SLC5A5: variants seen among roughly 807,000 people sequenced by gnomAD.
SLC5A5 encodes the protein solute carrier family 5 member 5.
In SLC5A5, 56 loss-of-function variants were observed where a neutral mutation model predicts 68.6. That is an observed-to-expected ratio of 0.82 (90% CI 0.66 to 1.02). The LOEUF (loss-of-function observed/expected upper bound fraction) is 1.02. SLC5A5 is among the 50% of genes least tolerant of loss of function. SLC5A5 has a pLI of 0.00. For missense variants in SLC5A5, 807 were observed against 859.8 expected, an observed-to-expected ratio of 0.94 and a Z score of 0.77; for synonymous variants, 398 against 373.0, an observed-to-expected ratio of 1.07 and a Z score of -0.77.
chr19:17,886,914 A>G (rs1487678406), intron 12 of SLC5A5, among the ~76,000 whole-genome samples: 1 of 152,126 alleles, frequency 6.6e-6, no homozygotes, highest in Non-Finnish European at 1.5e-5. Flanking sequence ...TATAAAAATA[A>G]AAATGAAAAA....
chr19:17,878,932 G>A lies in SLC5A5; in HGVS notation c.969+839G>A, dbSNP rs369702530. Reference sequence around the variant, plus strand: ...GGAGGTTGCAGTGAGCAGAGATCGCGCCATTGCACTCCAGCCTGGGTGACA... The same window carrying A: ...GGAGGTTGCAGTGAGCAGAGATCGCACCATTGCACTCCAGCCTGGGTGACA... On this transcript the variant is annotated intron_variant, in intron 7 of 14. Transcript: ENST00000222248. Among the ~76,000 whole-genome samples, 117 of 129,824 alleles carry A rather than the reference G, an allele frequency of 9.0e-4. 2 individuals carry two copies. The East Asian group carries it at 0.016, about 18-fold the overall frequency. 85.2% of individuals were successfully genotyped at this position (129,824 alleles called of 152,430 possible).
In SLC5A5 at chr19:17,872,316, C is replaced by T; in HGVS notation, c.-4C>T. ...GGACGCGCTGGGCCTCCGCACCCGCCCTCATGGAGGCCGTGGAGACCGGGG... is the reference window on the plus strand; with the variant it reads ...GGACGCGCTGGGCCTCCGCACCCGCTCTCATGGAGGCCGTGGAGACCGGGG... On this transcript the variant is annotated 5_prime_UTR_variant, in exon 1 of 15. Transcript: ENST00000222248. 1 of 1,575,402 alleles carries T rather than the reference C, an allele frequency of 6.3e-7. No individual in the cohort carries two copies. Among genetic ancestry groups the T allele is most frequent in the Non-Finnish European group, 8.6e-7 (1 of 1,161,942 alleles).
chr19:17,879,336 AAAC>A (rs2147737559), intron 7 of SLC5A5, among the ~76,000 whole-genome samples: 1 of 152,124 alleles, frequency 6.6e-6, no homozygotes, highest in South Asian at 2.1e-4. Context: ...ACAAAAACAA[AAAC>A]AAAAACTGTA....
At chr19:17,888,238 G>A in intron 12 of SLC5A5, 93 bp from the exon 13 acceptor site, 1 of 1,487,814 alleles carries the variant, frequency 6.7e-7, no homozygotes, top group Non-Finnish European at 9.3e-7. Flanking sequence ...CATGGCAGTT[G>A]GGGGAAGGAA....
rs1568417832 is a variant in SLC5A5, at chr19:17,872,487, C to T, written c.168C>T (p.Ala56=). 21 of 1,612,084 alleles carry T rather than the reference C, an allele frequency of 1.3e-5. No homozygotes were observed. The highest frequency in any genetic ancestry group is 1.7e-5 in the Non-Finnish European group (20 of 1,179,602). ...DFFTGGRRLA[A]LPVGLSLSAS... ...TCACCGGGGGCCGGCGCCTGGCGGC[C>T]CTGCCCGTGGGCCTGTCGCTGTCTG... The change falls in exon 1 of 15, where the codon GCC becomes GCT. Residue 56 remains alanine, a synonymous_variant. Transcript: ENST00000222248.
At chr19:17,889,444 A>AGGAAGGAAGGAAGGAAGGAAGGAG (rs1342999228) in intron 13 of SLC5A5, among the ~76,000 whole-genome samples, 1 of 149,072 alleles carries the variant, frequency 6.7e-6, no homozygotes, top group Admixed American at 6.7e-5. Flanking sequence ...GAAGGAAGGA[A>AGGAAGGAAGGAAGGAAGGAAGGAG]AGAGAAAGAG....
rs896508521 is a variant in SLC5A5 at position 17,888,254 on chromosome 19, G to C, written c.1527-77G>C. ...ATGGCAGTTGGGGGAAGGAAGCAGG[G>C]GGTGAGGTTGGAACAGCTTTTGAGT... On this transcript the variant is annotated intron_variant, in intron 12 of 14. Coordinates refer to ENST00000222248, the MANE Select transcript of SLC5A5 (RefSeq NM_000453.3). The C allele has an allele frequency of 4.5e-6, 7 of 1,568,794 alleles. No homozygotes were observed. The African/African-American group carries it at 8.1e-5, about 18-fold the overall frequency.
In SLC5A5 at chr19:17,880,917, G is replaced by A. The variant is rs1478002977; in HGVS notation, c.1022G>A (p.Gly341Glu). 1.2e-6 allele frequency: 2 copies of A among 1,614,004 alleles called. No individual in the cohort carries two copies. Among genetic ancestry groups the A allele is most frequent in the Non-Finnish European group, 8.5e-7 (1 of 1,179,994 alleles). The change falls in exon 8 of 15, where the codon GGG (glycine) becomes GAG (glutamate). Residue 341 changes from glycine to glutamate, a missense_variant. Gly to Glu is a moderately conservative substitution (Grantham distance 98, BLOSUM62 -2). Transcript: ENST00000222248. ...TTCGAAGATCTGCCTGGAGTCCCCG[G>A]GCTTTTCCTGGCCTGTGCTTACAGT... Reference protein sequence around the residue: ...DIFEDLPGVPGLFLACAYSGT... With the variant: ...DIFEDLPGVPELFLACAYSGT...
chr19:17,891,525 A>T (rs1029568207), intron 14 of SLC5A5, among the ~76,000 whole-genome samples: 3 of 151,940 alleles, frequency 2.0e-5, no homozygotes, highest in Non-Finnish European at 2.9e-5. Context: ...AGTTTTTGTT[A>T]TCTCCCTTCA....
chr19:17,891,830 A>T (rs934882565), intron 14 of SLC5A5, among the ~76,000 whole-genome samples: 1 of 152,150 alleles, frequency 6.6e-6, no homozygotes, highest in Admixed American at 6.6e-5. Context: ...CCTGTTTTGG[A>T]ATCCCTGTTC....
In SLC5A5 at chr19:17,881,415, C is replaced by T. The variant is rs138736702; in HGVS notation, c.1058+462C>T. Reference sequence around the variant, plus strand: ...CCAAGTAGCTGGGATTACAGGTCCACGCCACCACAGCCGGCTAATTTTTGT... The same window carrying T: ...CCAAGTAGCTGGGATTACAGGTCCATGCCACCACAGCCGGCTAATTTTTGT... On this transcript the variant is annotated intron_variant, in intron 8 of 14. Transcript: ENST00000222248. Among the ~76,000 whole-genome samples the T allele has an allele frequency of 6.4e-3, 976 of 152,180 alleles. 8 individuals carry two copies. The highest frequency in any genetic ancestry group is 0.022 in the African/African-American group (928 of 41,508).
intron 1 of SLC5A5, among the ~76,000 whole-genome samples, chr19:17,873,764 C>T (rs776604171): frequency 6.6e-6 from 1 of 152,178 alleles, no homozygotes; most frequent in Non-Finnish European, 1.5e-5. Context: ...CCCCCTCCCC[C>T]CCAAAAAAAT....
chr19:17,884,925 C>A (rs1437732493), intron 12 of SLC5A5, among the ~76,000 whole-genome samples: 2 of 151,286 alleles, frequency 1.3e-5, no homozygotes, highest in Non-Finnish European at 2.9e-5. Context: ...AACTCCTGAC[C>A]TCAGGTGATC....
At chr19:17,891,695 G>GA (rs1364629995) in intron 14 of SLC5A5, among the ~76,000 whole-genome samples, 1 of 152,158 alleles carries the variant, frequency 6.6e-6, no homozygotes, top group Admixed American at 6.6e-5. Flanking sequence ...TCAACTTGGG[G>GA]AAAAAATCTT....
chr19:17,883,532 G>T, intron 10 of SLC5A5, 149 bp from the exon 11 acceptor site: 1 of 732,624 alleles, frequency 1.4e-6, no homozygotes, highest in Non-Finnish European at 2.5e-6. Flanking sequence ...AGGGGGGGGG[G>T]TCCTCTCCCC....
intron 4 of SLC5A5, among the ~76,000 whole-genome samples, chr19:17,875,125 T>G (rs1237259806): frequency 6.6e-6 from 1 of 152,048 alleles, no homozygotes; most frequent in African/African-American, 2.4e-5. Flanking sequence ...ATCCCAGCAC[T>G]TTGGGAAGCA....
At position 17,872,672 on chromosome 19, in the gene SLC5A5, A is replaced by T; in HGVS notation, c.353A>T (p.Tyr118Phe). Residue 118 changes from tyrosine (Y) to phenylalanine (F), a missense_variant, in exon 1 of 15, where the codon TAC becomes TTC. Coordinates refer to ENST00000222248, the MANE Select transcript of SLC5A5 (RefSeq NM_000453.3). ...TACCGCCTGGGCCTCACCAGCACCT[A>T]CGAGGTACCGGACAGAGGCCCGGGG... The part of the protein sequence containing the change: ...VFYRLGLTST[Y>F]EYLEMRFSRA... The T allele has an allele frequency of 6.3e-7, 1 of 1,582,076 alleles. No individual in the cohort carries two copies. Among genetic ancestry groups the T allele is most frequent in the Non-Finnish European group, 8.6e-7 (1 of 1,156,488 alleles).
chr19:17,892,974 C>T (rs1196898083), intron 14 of SLC5A5, among the ~76,000 whole-genome samples: 1 of 150,392 alleles, frequency 6.6e-6, no homozygotes, highest in African/African-American at 2.4e-5. Context: ...TTCTTTCTTT[C>T]CTCTTTTCTT....
chr19:17,880,084 A>AG (rs1459469879), intron 7 of SLC5A5, among the ~76,000 whole-genome samples: 1 of 151,592 alleles, frequency 6.6e-6, no homozygotes, highest in Non-Finnish European at 1.5e-5. Context: ...TATTTTTTGT[A>AG]GGGGTGGGGT....
Sources: allele counts gnomAD v4.1 joint callset (sites outside exome capture counted in the v4.1 genomes callset), GRCh38; gene constraint gnomAD v4.1.1; transcripts MANE v1.5; gene names NCBI Gene and HGNC (gene_info 2026-07-23, HGNC 2026-07-21).